IMPA1: variants seen among roughly 807,000 people sequenced by gnomAD.
The protein encoded by IMPA1 is inositol monophosphatase 1.
IMPA1 carries 21 observed loss-of-function variants against 34.9 expected under a neutral mutation model. The ratio of observed to expected loss-of-function variants is 0.60; its 90% CI spans 0.43 to 0.87. IMPA1 has a LOEUF of 0.87. IMPA1 is among the 40% of genes least tolerant of loss of function. IMPA1 has a pLI of 0.00. For synonymous variants in IMPA1, 95 were observed against 104.4 expected (o/e 0.91, Z 0.55); for missense variants, 299 against 336.4 (o/e 0.89, Z 0.87).
At chr8:81,678,168 G>A (rs1399888967) in intron 4 of IMPA1, among the ~76,000 whole-genome samples, 12 of 151,726 alleles carry the variant, frequency 7.9e-5, no homozygotes, top group Non-Finnish European at 1.8e-4. Context: ...TAACACCCAT[G>A]CAATTTTTTT....
At chr8:81,678,091 A>C (rs779748712) in intron 4 of IMPA1, among the ~76,000 whole-genome samples, 1 of 152,228 alleles carries the variant, frequency 6.6e-6, no homozygotes. Flanking sequence ...GTGGCCTAGA[A>C]AAGTTAACTA....
chr8:81,657,518 C>T lies in IMPA1; in HGVS notation c.*1833G>A, dbSNP rs1024370469. On this transcript the variant is annotated 3_prime_UTR_variant, in exon 9 of 9. Transcript: ENST00000256108. ...ACTGCTTGAGCCCAGAAGGTTGAGA[C>T]TGCAATGAATGGTGATCATGCCACT... 6.6e-5 allele frequency among the ~76,000 whole-genome samples: 10 copies of T among 152,012 alleles called. No individual in the cohort carries two copies. Among genetic ancestry groups the T allele is most frequent in the Non-Finnish European group, 1.0e-4 (7 of 68,004 alleles).
At chr8:81,685,989 G>A in intron 1 of IMPA1, 1 of 1,448,464 alleles carries the variant, frequency 6.9e-7, no homozygotes. Flanking sequence ...GACATAAAAA[G>A]GGGCAATTAT....
chr8:81,667,238 AG>A (rs1806855679), intron 7 of IMPA1, among the ~76,000 whole-genome samples: 1 of 152,200 alleles, frequency 6.6e-6, no homozygotes, highest in African/African-American at 2.4e-5. Context: ...AATTGATCAC[AG>A]AACAGGGCAC....
At chr8:81,663,883 C>T (rs535312320) in intron 7 of IMPA1, among the ~76,000 whole-genome samples, 32 of 151,864 alleles carry the variant, frequency 2.1e-4, no homozygotes, top group Non-Finnish European at 2.9e-4. Flanking sequence ...ACTAAAAATA[C>T]AAAAAATTAG....
intron 6 of IMPA1, among the ~76,000 whole-genome samples, chr8:81,672,976 A>C (rs930859184): frequency 5.9e-5 from 9 of 152,238 alleles, no homozygotes. Flanking sequence ...AAAAAACACT[A>C]AGCCAAGGGA....
intron 7 of IMPA1, 23 bp downstream of exon 7, chr8:81,670,916 T>C (rs142569405): frequency 0.013 from 15,817 of 1,215,630 alleles, 143 homozygotes; most frequent in Admixed American, 0.018. Context: ...AAGAGAGAGA[T>C]AGAATAATGG....
intron 6 of IMPA1, 78 bp from the exon 7 acceptor site, chr8:81,671,125 G>A: frequency 3.5e-6 from 2 of 578,488 alleles, no homozygotes; most frequent in Non-Finnish European, 5.9e-6. Flanking sequence ...GAGGGCATTT[G>A]TATCCCTCTT....
At chr8:81,674,669 C>A in intron 5 of IMPA1, 1 of 365,976 alleles carries the variant, frequency 2.7e-6, no homozygotes. Flanking sequence ...TTTTCTGCCT[C>A]ACCCTGAAAA....
chr8:81,676,752 A>C (rs1053856635), intron 4 of IMPA1, among the ~76,000 whole-genome samples: 1 of 152,184 alleles, frequency 6.6e-6, no homozygotes, highest in Non-Finnish European at 1.5e-5. Flanking sequence ...TAGCAGGCCA[A>C]AGCAGGAAGA....
At position 81,680,758 on chromosome 8, in the gene IMPA1, T is replaced by G; in HGVS notation, c.89A>C (p.Glu30Ala). The change falls in exon 3 of 9, where the codon GAA (glutamate) becomes GCA (alanine). Residue 30 changes from glutamate to alanine, a missense_variant. Physicochemically the swap from Glu to Ala is moderately radical, Grantham distance 107 (BLOSUM62 -1). Coordinates refer to ENST00000256108, the MANE Select transcript of IMPA1 (RefSeq NM_005536.4). ...AGAACTTTTCAGCATAACATTCATT[T>G]CATTTTTTATAGCTTCACAAACTAC... ...GEVVCEAIKN[E>A]MNVMLKSSPV... 1 of 1,608,322 alleles carries G rather than the reference T, an allele frequency of 6.2e-7. No individual in the cohort carries two copies. Among genetic ancestry groups the G allele is most frequent in the Middle Eastern group, 1.7e-4 (1 of 6,048 alleles).
intron 7 of IMPA1, among the ~76,000 whole-genome samples, chr8:81,667,422 C>T (rs1160067604): frequency 2.0e-5 from 3 of 152,054 alleles, no homozygotes; most frequent in Non-Finnish European, 4.4e-5. Flanking sequence ...GGTGTGGGGT[C>T]CTTTTAAGAG....
chr8:81,685,079 C>G (rs111215889), intron 1 of IMPA1, among the ~76,000 whole-genome samples: 1 of 124,028 alleles, frequency 8.1e-6, no homozygotes, highest in South Asian at 2.5e-4. Context: ...GATATATATA[C>G]TATAAATAAG....
intron 5 of IMPA1, chr8:81,674,241 G>A (rs372530435): frequency 5.6e-5 from 16 of 284,210 alleles, no homozygotes; most frequent in South Asian, 2.0e-4. Context: ...ACGCTTCTCC[G>A]GTGTTAGGAC....
At chr8:81,685,993 C>T in intron 1 of IMPA1, 5 of 1,432,760 alleles carry the variant, frequency 3.5e-6, no homozygotes, top group Non-Finnish European at 4.6e-6. Flanking sequence ...TAAAAAGGGG[C>T]AATTATTCCA....
At position 81,657,192 on chromosome 8, in the gene IMPA1, AT is replaced by A. The variant is rs1161065540; in HGVS notation, c.*2158del. On this transcript the variant is annotated 3_prime_UTR_variant, in exon 9 of 9. Coordinates refer to ENST00000256108, the MANE Select transcript of IMPA1 (RefSeq NM_005536.4). ...GATGGAAAAGCTATTGTAGAAAAAA[AT>A]ATAGGTTTTTAGAAAAGTTGGAAAG... is the stretch of plus-strand genomic sequence containing the variant. Among the ~76,000 whole-genome samples the A allele has an allele frequency of 6.6e-6, 1 of 152,242 alleles. No individual in the cohort carries two copies.
At chr8:81,673,813 T>C in intron 6 of IMPA1, 28 bp downstream of exon 6, 2 of 1,205,950 alleles carry the variant, frequency 1.7e-6, no homozygotes, top group Non-Finnish European at 2.5e-6. Flanking sequence ...ACAATATGAA[T>C]AGCATCAAAA....
intron 7 of IMPA1, among the ~76,000 whole-genome samples, chr8:81,664,794 C>T (rs1480833326): frequency 1.3e-5 from 2 of 151,538 alleles, no homozygotes; most frequent in African/African-American, 4.9e-5. Flanking sequence ...GTGCAGCACA[C>T]CAGCATGGCA....
intron 7 of IMPA1, among the ~76,000 whole-genome samples, chr8:81,668,777 A>C (rs117080001): frequency 6.6e-6 from 1 of 152,108 alleles, no homozygotes; most frequent in Non-Finnish European, 1.5e-5. Flanking sequence ...TCTAAAGACA[A>C]TGAAAGAAAG....
Sources: allele counts gnomAD v4.1 joint callset (sites outside exome capture counted in the v4.1 genomes callset), GRCh38; gene constraint gnomAD v4.1.1; transcripts MANE v1.5; gene names NCBI Gene and HGNC (gene_info 2026-07-23, HGNC 2026-07-21).